Variants in TMEM89 observed in about 807,000 individuals in gnomAD.
The protein encoded by TMEM89 is transmembrane protein 89.
Under a neutral mutation model 9.3 loss-of-function variants are expected in TMEM89, and 4 were observed. The observed-to-expected ratio is 0.43, with a 90% CI of 0.21 to 0.98. TMEM89 has a LOEUF of 0.98. TMEM89 is among the 50% of genes least tolerant of loss of function. The probability of loss-of-function intolerance (pLI) is 0.27; values close to 1 mark genes in which losing one functional copy is unlikely to be tolerated. For missense variants in TMEM89, 220 were observed against 214.7 expected (o/e 1.02, Z -0.15); for synonymous variants, 96 against 92.5 (o/e 1.04, Z -0.21).
intron 1 of TMEM89, 74 bp downstream of exon 1, chr3:48,621,389 G>A (rs2046538286): frequency 3.9e-6 from 6 of 1,547,330 alleles, no homozygotes; most frequent in Non-Finnish European, 5.3e-6. Flanking sequence ...GGCAGGGTTG[G>A]GTGGAAGACG....
In TMEM89 at chr3:48,621,667, C is replaced by G. The variant is rs777741986; in HGVS notation, c.90G>C (p.Gln30His). The stretch of plus-strand genomic sequence containing the variant: ...CCCAGGGCTGCAAGTCCAGCCCCAC[C>G]TGGTACCAGAGGGGTCTCGACCAGG... Reference protein sequence around the residue: ...THAWSRPLWYQVGLDLQPWGC... With the variant: ...THAWSRPLWYHVGLDLQPWGC... The change falls in exon 1 of 2, where the codon CAG (glutamine) becomes CAC (histidine). Residue 30 changes from glutamine to histidine, a missense_variant. Gln to His is a conservative substitution (Grantham distance 24). Coordinates refer to ENST00000330862, the MANE Select transcript of TMEM89 (RefSeq NM_001008269.3). 6.2e-7 allele frequency: 1 copy of G among 1,613,980 alleles called. No homozygotes were observed. Among genetic ancestry groups the G allele is most frequent in the Non-Finnish European group, 8.5e-7 (1 of 1,179,996 alleles).
chr3:48,621,119 G>A, intron 1 of TMEM89, 92 bp from the exon 2 acceptor site: 1 of 1,351,346 alleles, frequency 7.4e-7, no homozygotes, highest in Non-Finnish European at 1.0e-6. Flanking sequence ...GCAGGGAGTA[G>A]GGTGTGGGGC....
Position 48,620,848 on chromosome 3 carries a change from A to G in TMEM89, c.474T>C (p.Ser158=), listed in dbSNP as rs2046532145. The change falls in exon 2 of 2, where the codon AGT becomes AGC. Residue 158 remains serine, a synonymous_variant. Transcript: ENST00000330862. ...QIQIKGTSTQ[S]G is the part of the protein sequence containing the mutation. ...AAGAGAGGCACATGTTCGGTCACCC[A>G]CTCTGGGTGGAAGTCCCCTTTATTT... The G allele has an allele frequency of 6.2e-7, 1 of 1,613,806 alleles. No homozygotes were observed. Among genetic ancestry groups the G allele is most frequent in the African/African-American group, 1.3e-5 (1 of 74,820 alleles).
chr3:48,621,686 G>A lies in TMEM89; in HGVS notation c.71C>T (p.Ser24Leu), dbSNP rs73830466. The change falls in exon 1 of 2, where the codon TCG becomes TTG. Residue 24 changes from serine to leucine, a missense_variant. Coordinates refer to ENST00000330862, the MANE Select transcript of TMEM89 (RefSeq NM_001008269.3). ...LVTSASTHAW[S>L]RPLWYQVGLD... ...CCCCACCTGGTACCAGAGGGGTCTC[G>A]ACCAGGCGTGGGTGGAGGCAGACGT... The A allele has an allele frequency of 1.2e-3, 1,869 of 1,613,836 alleles. 24 individuals carry two copies. The African/African-American group carries it at 0.021, about 18-fold the overall frequency.
chr3:48,620,971 T>C lies in TMEM89; in HGVS notation c.351A>G (p.Ser117=). The change falls in exon 2 of 2, where the codon TCA becomes TCG. Residue 117 remains serine (S), a synonymous_variant. Coordinates refer to ENST00000330862, the MANE Select transcript of TMEM89 (RefSeq NM_001008269.3). ...CGPWKRRAPI[S]DHTLLRGVLH... is the part of the protein sequence containing the mutation. ...GGACCCCACGGAGCAGGGTGTGGTC[T>C]GAGATTGGGGCCCGCCGTTTCCAGG... 5.0e-6 allele frequency: 8 copies of C among 1,613,982 alleles called. No individual in the cohort carries two copies. Among genetic ancestry groups the C allele is most frequent in the Non-Finnish European group, 6.8e-6 (8 of 1,179,984 alleles).
rs141092126 is a variant in TMEM89 at position 48,620,934 on chromosome 3, C to G, written c.388G>C (p.Asp130His). The G allele has an allele frequency of 1.2e-6, 2 of 1,614,142 alleles. No individual in the cohort carries two copies. Among genetic ancestry groups the G allele is most frequent in the Non-Finnish European group, 1.7e-6 (2 of 1,180,038 alleles). The change falls in exon 2 of 2, where the codon GAT becomes CAT. Residue 130 changes from aspartate (D) to histidine (H), a missense_variant. Coordinates refer to ENST00000330862, the MANE Select transcript of TMEM89 (RefSeq NM_001008269.3). ...CCTTCGATGTGGACCAGGAGGGCAT[C>G]CAGCATGTGCAGGACCCCACGGAGC... ...TLLRGVLHML[D>H]ALLVHIEGHL...
Position 48,620,959 on chromosome 3 carries a change from C to G in TMEM89, c.363G>C (p.Leu121=). ...KRRAPISDHT[L]LRGVLHMLDA... is the part of the protein sequence containing the mutation. ...CCAGCATGTGCAGGACCCCACGGAGCAGGGTGTGGTCTGAGATTGGGGCCC... is the reference window on the plus strand; with the variant it reads ...CCAGCATGTGCAGGACCCCACGGAGGAGGGTGTGGTCTGAGATTGGGGCCC... Residue 121 remains leucine, a synonymous_variant, in exon 2 of 2, where the codon CTG becomes CTC. Coordinates refer to ENST00000330862, the MANE Select transcript of TMEM89 (RefSeq NM_001008269.3). 5 of 1,614,108 alleles carry G rather than the reference C, an allele frequency of 3.1e-6. No homozygotes were observed. Among genetic ancestry groups the G allele is most frequent in the Non-Finnish European group, 4.2e-6 (5 of 1,180,016 alleles).
At position 48,621,632 on chromosome 3, in the gene TMEM89, G is replaced by C; in HGVS notation, c.125C>G (p.Pro42Arg). Residue 42 changes from proline (P) to arginine (R), a missense_variant, in exon 1 of 2, where the codon CCA becomes CGA. Coordinates refer to ENST00000330862, the MANE Select transcript of TMEM89 (RefSeq NM_001008269.3). ...GLDLQPWGCQ[P>R]KSVEGCRGGL... Reference sequence around the variant, plus strand: ...ACCCCTACAGCCCTCCACACTCTTTGGCTGACACCCCCAGGGCTGCAAGTC... The same window carrying C: ...ACCCCTACAGCCCTCCACACTCTTTCGCTGACACCCCCAGGGCTGCAAGTC... 1.9e-6 allele frequency: 3 copies of C among 1,613,992 alleles called. No homozygotes were observed. The highest frequency in any genetic ancestry group is 2.5e-6 in the Non-Finnish European group (3 of 1,179,980).
At position 48,621,470 on chromosome 3, in the gene TMEM89, T is replaced by C. The variant is rs771270567; in HGVS notation, c.287A>G (p.Lys96Arg). The change falls in exon 1 of 2, where the codon AAG becomes AGG. Residue 96 changes from lysine (K) to arginine (R), a missense_variant. By Grantham distance (26) the Lys-to-Arg change is conservative (BLOSUM62 2). Transcript: ENST00000330862. Reference sequence around the variant, plus strand: ...AAGAAGAGCTGTGCTCACCTCACCCTTGGTGGCCTGTGAGCGCCGCCGCCC... The same window carrying C: ...AAGAAGAGCTGTGCTCACCTCACCCCTGGTGGCCTGTGAGCGCCGCCGCCC... ...LQGRRRSQATKGEHPQVTTEP... is the reference protein window; with the variant it reads ...LQGRRRSQATRGEHPQVTTEP... 6.2e-7 allele frequency: 1 copy of C among 1,612,878 alleles called. No individual in the cohort carries two copies. The highest frequency in any genetic ancestry group is 2.2e-5 in the East Asian group (1 of 44,876).
rs1304212120 is a variant in TMEM89 at position 48,621,620 on chromosome 3, T to C, written c.137A>G (p.Glu46Gly). 1.2e-6 allele frequency: 2 copies of C among 1,613,724 alleles called. No homozygotes were observed. Among genetic ancestry groups the C allele is most frequent in the Non-Finnish European group, 1.7e-6 (2 of 1,179,970 alleles). ...ACAGCTCAGGCCACCCCTACAGCCC[T>C]CCACACTCTTTGGCTGACACCCCCA... is the stretch of plus-strand genomic sequence containing the variant. ...QPWGCQPKSV[E>G]GCRGGLSCPG... The change falls in exon 1 of 2, where the codon GAG becomes GGG. Residue 46 changes from glutamate to glycine, a missense_variant. Transcript: ENST00000330862.
At chr3:48,621,154 G>C in intron 1 of TMEM89, 127 bp from the exon 2 acceptor site, 1 of 964,854 alleles carries the variant, frequency 1.0e-6, no homozygotes, top group Non-Finnish European at 1.6e-6. Flanking sequence ...ATGGGAGGGA[G>C]ACTCAGGGTG....
chr3:48,621,735 G>C lies in TMEM89; in HGVS notation c.22C>G (p.Leu8Val), dbSNP rs1224522048. Residue 8 changes from leucine to valine, a missense_variant, in exon 1 of 2, where the codon CTG becomes GTG. Physicochemically the swap from Leu to Val is conservative, Grantham distance 32. Transcript: ENST00000330862. ...GTCACCAGCAGGAGCAGCAAAGGCA[G>C]CGAGGCCAGCACATGCAGCATGGCC... Reference protein sequence around the residue: MLHVLASLPLLLLLVTSA... With the variant: MLHVLASVPLLLLLVTSA... The C allele has an allele frequency of 6.2e-7, 1 of 1,612,866 alleles. No individual in the cohort carries two copies. Among genetic ancestry groups the C allele is most frequent in the Non-Finnish European group, 8.5e-7 (1 of 1,179,898 alleles).
At chr3:48,621,384 G>C in intron 1 of TMEM89, 79 bp downstream of exon 1, 1 of 1,536,372 alleles carries the variant, frequency 6.5e-7, no homozygotes, top group East Asian at 2.4e-5. Context: ...CATGGGGCAG[G>C]GTTGGGTGGA....
chr3:48,621,093 G>T, intron 1 of TMEM89, 66 bp from the exon 2 acceptor site: 1 of 1,537,772 alleles, frequency 6.5e-7, no homozygotes, highest in Non-Finnish European at 8.9e-7. Context: ...ACAAGGGGCA[G>T]TGATGGAGCT....
chr3:48,621,117 T>C, intron 1 of TMEM89, 90 bp from the exon 2 acceptor site: 1 of 1,360,882 alleles, frequency 7.3e-7, no homozygotes, highest in Non-Finnish European at 1.0e-6. Flanking sequence ...GAGCAGGGAG[T>C]AGGGTGTGGG....
At position 48,621,447 on chromosome 3, in the gene TMEM89, GAA is replaced by G; in HGVS notation, c.294+14_294+15del. 1 of 1,609,914 alleles carries G rather than the reference GAA, an allele frequency of 6.2e-7. No homozygotes were observed. Among genetic ancestry groups the G allele is most frequent in the South Asian group, 1.1e-5 (1 of 90,444 alleles). Reference sequence around the variant, plus strand: ...TGAGGCAGGGGCTGTGGGGGAGAAAGAAGAGCTGTGCTCACCTCACCCTTGGT... The same window carrying G: ...TGAGGCAGGGGCTGTGGGGGAGAAAGGAGCTGTGCTCACCTCACCCTTGGT... On this transcript the variant is annotated intron_variant, in intron 1 of 1. Transcript: ENST00000330862.
At chr3:48,621,110 C>T (rs758099216) in intron 1 of TMEM89, 83 bp from the exon 2 acceptor site, 6 of 1,433,574 alleles carry the variant, frequency 4.2e-6, no homozygotes, top group Non-Finnish European at 5.8e-6. Context: ...AGCTGGGGAG[C>T]AGGGAGTAGG....
chr3:48,621,284 A>G (rs886196296), intron 1 of TMEM89, among the ~76,000 whole-genome samples, 179 bp downstream of exon 1: 3 of 149,972 alleles, frequency 2.0e-5, no homozygotes, highest in Non-Finnish European at 4.4e-5. Context: ...TGGGTGGTGG[A>G]CATGGGTTCC....
At chr3:48,621,424 A>G in intron 1 of TMEM89, 39 bp downstream of exon 1, 2 of 1,601,118 alleles carry the variant, frequency 1.2e-6, no homozygotes, top group Non-Finnish European at 1.7e-6. Context: ...ACGTATATTG[A>G]GGCAGGGGCT....
Sources: allele counts gnomAD v4.1 joint callset (sites outside exome capture counted in the v4.1 genomes callset), GRCh38; gene constraint gnomAD v4.1.1; transcripts MANE v1.5; gene names NCBI Gene and HGNC (gene_info 2026-07-23, HGNC 2026-07-21).